HECW1: variants seen among roughly 807,000 people sequenced by gnomAD.
HECW1 encodes the protein HECT, C2 and WW domain containing E3 ubiquitin protein ligase 1.
In HECW1, 61 loss-of-function variants were observed where a neutral mutation model predicts 182.3. The observed-to-expected ratio is 0.33, with a 90% confidence interval of 0.27 to 0.41. The LOEUF (loss-of-function observed/expected upper bound fraction) is 0.41, where lower values mean the gene tolerates loss of function less well. HECW1 is among the 10% of genes least tolerant of loss of function. The probability of loss-of-function intolerance (pLI) is 1.00; values close to 1 mark genes in which losing one functional copy is unlikely to be tolerated. For synonymous variants in HECW1, 859 were observed against 832.6 expected, an observed-to-expected ratio of 1.03 and a Z score of -0.55; for missense variants, 1,739 against 2,108.9, an observed-to-expected ratio of 0.82 and a Z score of 3.44.
chr7:43,466,372 T>C (rs2152896926), intron 14 of HECW1, 75 bp from the exon 15 acceptor site: 1 of 1,499,246 alleles, frequency 6.7e-7, no homozygotes, highest in Non-Finnish European at 9.1e-7. Context: ...GTGCTGCCAC[T>C]GTCAGGAGCG....
intron 16 of HECW1, among the ~76,000 whole-genome samples, chr7:43,477,458 G>A (rs1213577375): frequency 6.6e-6 from 1 of 152,148 alleles, no homozygotes; most frequent in Non-Finnish European, 1.5e-5. Context: ...ACACTTGTGT[G>A]TTTAAAAAGC....
chr7:43,445,061 C>A lies in HECW1; in HGVS notation c.1889C>A (p.Pro630His). Residue 630 changes from proline to histidine, a missense_variant, in exon 11 of 30, where the codon CCT becomes CAT. By Grantham distance (77) the Pro-to-His change is moderately conservative (BLOSUM62 -2). This residue lies in a region of HECW1 where 971 missense variants were observed against 1,029.1 expected (regional missense o/e 0.94). Transcript: ENST00000395891. ...GGGGCTACTCCAGGCACGGCGCACCCTGGCCACTCCGGGGGCCACTTCCCC... is the reference window on the plus strand; with the variant it reads ...GGGGCTACTCCAGGCACGGCGCACCATGGCCACTCCGGGGGCCACTTCCCC... ...PEGATPGTAHPGHSGGHFPSL... is the reference protein window; with the variant it reads ...PEGATPGTAHHGHSGGHFPSL... 6.3e-7 allele frequency: 1 copy of A among 1,590,134 alleles called. No individual in the cohort carries two copies.
At chr7:43,176,053 G>T (rs1236975690) in intron 2 of HECW1, among the ~76,000 whole-genome samples, 1 of 152,124 alleles carries the variant, frequency 6.6e-6, no homozygotes, top group Admixed American at 6.5e-5. Context: ...TACCTATTTT[G>T]CAAGTACTAC....
At chr7:43,365,388 ACT>A (rs1305036153) in intron 6 of HECW1, among the ~76,000 whole-genome samples, 1 of 152,006 alleles carries the variant, frequency 6.6e-6, no homozygotes, top group Non-Finnish European at 1.5e-5. Context: ...CTGGGGAATG[ACT>A]CTGGTAGAGT....
intron 24 of HECW1, among the ~76,000 whole-genome samples, chr7:43,519,161 T>C (rs2080316329): frequency 6.6e-6 from 1 of 152,168 alleles, no homozygotes; most frequent in Non-Finnish European, 1.5e-5. Flanking sequence ...AGGAAACTCA[T>C]ACCCATAGAG....
chr7:43,201,727 C>A (rs1375177019), intron 2 of HECW1, among the ~76,000 whole-genome samples: 2 of 152,182 alleles, frequency 1.3e-5, no homozygotes, highest in African/African-American at 4.8e-5. Context: ...AATTTGTCTG[C>A]AATGACTTAC....
chr7:43,436,396 A>G (rs532394592), intron 8 of HECW1, among the ~76,000 whole-genome samples: 3 of 152,232 alleles, frequency 2.0e-5, no homozygotes, highest in Admixed American at 2.0e-4. Flanking sequence ...GAGACCACCA[A>G]ACAGGCTTTG....
chr7:43,113,547 C>T (rs1784800881), intron 1 of HECW1: 1 of 174,668 alleles, frequency 5.7e-6, no homozygotes, highest in Non-Finnish European at 1.2e-5. Context: ...CCCCCAGCGC[C>T]TCCCTGTTAC....
At chr7:43,479,233 G>C (rs927741357) in intron 16 of HECW1, among the ~76,000 whole-genome samples, 1 of 152,148 alleles carries the variant, frequency 6.6e-6, no homozygotes, top group African/African-American at 2.4e-5. Flanking sequence ...GCTGCCATCT[G>C]GGGGTAACGA....
intron 2 of HECW1, among the ~76,000 whole-genome samples, chr7:43,179,298 T>C (rs17795844): frequency 0.071 from 10,879 of 152,270 alleles, 559 homozygotes; most frequent in East Asian, 0.28. Context: ...GTCTACAGCA[T>C]TGAGAGCAAA....
chr7:43,295,446 C>A (rs1007671587), intron 3 of HECW1, among the ~76,000 whole-genome samples: 3 of 152,196 alleles, frequency 2.0e-5, no homozygotes, highest in African/African-American at 7.2e-5. Context: ...TCCTTTCACT[C>A]TCCCAATCTT....
At chr7:43,423,459 C>T (rs2076260489) in intron 8 of HECW1, among the ~76,000 whole-genome samples, 1 of 152,212 alleles carries the variant, frequency 6.6e-6, no homozygotes, top group Non-Finnish European at 1.5e-5. Flanking sequence ...GGCTCATTCA[C>T]AGAACCTGAG....
intron 3 of HECW1, among the ~76,000 whole-genome samples, chr7:43,298,218 T>C (rs576223380): frequency 2.0e-5 from 3 of 152,378 alleles, no homozygotes; most frequent in South Asian, 2.1e-4. Context: ...TGGTGCTTTC[T>C]TCTAACAACC....
intron 3 of HECW1, among the ~76,000 whole-genome samples, chr7:43,309,618 G>C (rs1029374084): frequency 6.6e-6 from 1 of 152,170 alleles, no homozygotes; most frequent in African/African-American, 2.4e-5. Flanking sequence ...CATCATGAAT[G>C]CAAATATATC....
chr7:43,391,814 A>G (rs914392704), intron 6 of HECW1, among the ~76,000 whole-genome samples: 1 of 152,198 alleles, frequency 6.6e-6, no homozygotes, highest in African/African-American at 2.4e-5. Context: ...TTACTTATCT[A>G]CCATTTACTT....
intron 26 of HECW1, among the ~76,000 whole-genome samples, chr7:43,542,857 C>T (rs942453676): frequency 1.3e-5 from 2 of 152,124 alleles, no homozygotes; most frequent in African/African-American, 4.8e-5. Flanking sequence ...CTTGTTATGA[C>T]CTGGATCTAC....
At chr7:43,299,463 C>T (rs1439299749) in intron 3 of HECW1, among the ~76,000 whole-genome samples, 1 of 152,122 alleles carries the variant, frequency 6.6e-6, no homozygotes, top group Non-Finnish European at 1.5e-5. Flanking sequence ...TGTCCAAAAT[C>T]CCACAGCAGA....
Position 43,552,352 on chromosome 7 carries a change from C to T in HECW1, c.4510+16C>T, listed in dbSNP as rs1431549634. The T allele has an allele frequency of 6.3e-6, 9 of 1,431,882 alleles. No homozygotes were observed. Among genetic ancestry groups the T allele is most frequent in the Admixed American group, 3.3e-5 (2 of 59,784 alleles). The allele number at this position is 1,431,882 out of a possible 1,614,324, so 88.7% of individuals were successfully genotyped here. A position where few individuals can be genotyped will look rare whatever the true frequency, so the allele number is the denominator to read the frequency against. On this transcript the variant is annotated intron_variant, in intron 28 of 29. Transcript: ENST00000395891. ...TACCGGGGAGGTGAGTGGGCAGGAG[C>T]TGTAATGATGCAATGATCACAAATA...
chr7:43,170,847 G>C (rs1417696621), intron 2 of HECW1, among the ~76,000 whole-genome samples: 1 of 152,192 alleles, frequency 6.6e-6, no homozygotes, highest in African/African-American at 2.4e-5. Flanking sequence ...AGAGTTGGCT[G>C]AGCTGAAAGT....
Sources: gnomAD v4.1 joint callset for allele counts (sites outside exome capture counted in the v4.1 genomes callset) on GRCh38, gnomAD v4.1.1 for gene constraint, gnomAD v4.1.1 regional missense constraint, MANE v1.5 for transcripts, NCBI Gene and HGNC (gene_info 2026-07-23, HGNC 2026-07-21) for gene names.